Variants in FOXP1 observed in about 807,000 individuals in gnomAD.
FOXP1 encodes forkhead box P1.
FOXP1 carries 15 observed loss-of-function variants against 98.2 expected under a neutral mutation model. That is an observed-to-expected ratio of 0.15 (90% CI 0.10 to 0.24). The LOEUF (loss-of-function observed/expected upper bound fraction) is 0.24. Ranked by LOEUF, FOXP1 falls within the 10% of genes least tolerant of loss-of-function variation. The probability of loss-of-function intolerance (pLI) is 1.00; values close to 1 mark genes in which losing one functional copy is unlikely to be tolerated. For missense variants in FOXP1, 633 were observed against 848.5 expected (o/e 0.75, Z 3.15); for synonymous variants, 371 against 314.5 (o/e 1.18, Z -1.90).
intron 9 of FOXP1, among the ~76,000 whole-genome samples, chr3:71,049,787 G>A (rs538761987): frequency 2.0e-5 from 3 of 152,140 alleles, no homozygotes; most frequent in South Asian, 4.1e-4. Context: ...AAATGCTACC[G>A]TGTGACTCCA....
At chr3:71,558,774 A>G (rs2107716245) in intron 2 of FOXP1, among the ~76,000 whole-genome samples, 1 of 145,630 alleles carries the variant, frequency 6.9e-6, no homozygotes, top group African/African-American at 2.6e-5. Context: ...AATCATAGGC[A>G]TGAGCCACCA....
chr3:71,369,373 G>C (rs780669083), intron 3 of FOXP1, among the ~76,000 whole-genome samples: 32 of 152,070 alleles, frequency 2.1e-4, no homozygotes, highest in Non-Finnish European at 4.3e-4. Flanking sequence ...CTGGGCAACA[G>C]AACGAGACTC....
chr3:71,293,013 G>C (rs1443635629), intron 5 of FOXP1, among the ~76,000 whole-genome samples: 1 of 152,158 alleles, frequency 6.6e-6, no homozygotes, highest in East Asian at 1.9e-4. Context: ...TAAGGATTCT[G>C]TCATCAGTAC....
chr3:71,358,020 T>G (rs577015981), intron 4 of FOXP1, among the ~76,000 whole-genome samples: 6 of 152,320 alleles, frequency 3.9e-5, no homozygotes, highest in Middle Eastern at 3.4e-3. Context: ...AGCTGTTTGT[T>G]TAAGTATGAC....
chr3:71,422,484 G>A (rs751443441), intron 3 of FOXP1, among the ~76,000 whole-genome samples: 37 of 152,200 alleles, frequency 2.4e-4, no homozygotes, highest in Non-Finnish European at 4.7e-4. Context: ...TTTGAGCAGT[G>A]AGGGCATGGG....
chr3:71,509,839 C>G (rs2042075025), intron 2 of FOXP1, among the ~76,000 whole-genome samples: 1 of 152,174 alleles, frequency 6.6e-6, no homozygotes, highest in Non-Finnish European at 1.5e-5. Flanking sequence ...TATGATTAGG[C>G]CACTGCACTC....
intron 3 of FOXP1, among the ~76,000 whole-genome samples, chr3:71,418,935 C>A (rs866313172): frequency 8.5e-3 from 919 of 108,078 alleles, no homozygotes; most frequent in East Asian, 0.01. Context: ...AGACCGGTCT[C>A]AAAAAAAAAA....
At chr3:70,977,117 T>C in intron 16 of FOXP1, 75 bp from the exon 17 acceptor site, 1 of 992,688 alleles carries the variant, frequency 1.0e-6, no homozygotes, top group Non-Finnish European at 1.6e-6. Flanking sequence ...TTCTCGAAAA[T>C]ATAAAATCAC....
chr3:71,554,315 T>C (rs2045970863), intron 2 of FOXP1, among the ~76,000 whole-genome samples: 1 of 152,164 alleles, frequency 6.6e-6, no homozygotes, highest in Non-Finnish European at 1.5e-5. Flanking sequence ...ATCATAACAC[T>C]ACATTCCAGC....
At chr3:71,096,361 A>G (rs183643213) in intron 7 of FOXP1, among the ~76,000 whole-genome samples, 1 of 152,304 alleles carries the variant, frequency 6.6e-6, no homozygotes, top group African/African-American at 2.4e-5. Context: ...CATTCAGAAG[A>G]TAAGAGTTCC....
At chr3:71,488,589 C>T (rs920191070) in intron 3 of FOXP1, among the ~76,000 whole-genome samples, 2 of 152,244 alleles carry the variant, frequency 1.3e-5, no homozygotes, top group African/African-American at 4.8e-5. Flanking sequence ...ACAATGGTTT[C>T]CACCTTGGCC....
intron 4 of FOXP1, among the ~76,000 whole-genome samples, chr3:71,338,373 A>G (rs1003143394): frequency 1.3e-5 from 2 of 152,230 alleles, no homozygotes; most frequent in Admixed American, 6.5e-5. Flanking sequence ...ACCTAAAGAA[A>G]AAGGATGGAG....
At chr3:71,357,253 G>A (rs937889856) in intron 4 of FOXP1, among the ~76,000 whole-genome samples, 15 of 152,128 alleles carry the variant, frequency 9.9e-5, no homozygotes, top group African/African-American at 3.4e-4. Flanking sequence ...TAGCATATTC[G>A]AGAGTTTAAA....
intron 6 of FOXP1, among the ~76,000 whole-genome samples, chr3:71,180,415 G>A (rs1361441921): frequency 6.6e-6 from 1 of 151,914 alleles, no homozygotes; most frequent in East Asian, 1.9e-4. Flanking sequence ...AGACATGAAA[G>A]TCTTTGCCAC....
intron 7 of FOXP1, among the ~76,000 whole-genome samples, chr3:71,096,479 T>A (rs548491399): frequency 6.6e-6 from 1 of 152,216 alleles, no homozygotes; most frequent in South Asian, 2.1e-4. Context: ...GACTAGTCAT[T>A]TATAGATAAG....
intron 13 of FOXP1, 131 bp from the exon 14 acceptor site, chr3:70,988,208 T>C (rs771754419): frequency 1.1e-6 from 1 of 904,272 alleles, no homozygotes; most frequent in East Asian, 2.5e-5. Flanking sequence ...TTGCTTGTTT[T>C]TGAAATCTAC....
At chr3:71,210,437 T>C (rs1423747410) in intron 5 of FOXP1, among the ~76,000 whole-genome samples, 2 of 152,310 alleles carry the variant, frequency 1.3e-5, no homozygotes, top group South Asian at 4.1e-4. Context: ...AAATTTCCAC[T>C]GAGCATTCAG....
At chr3:71,291,595 T>G (rs1310056428) in intron 5 of FOXP1, among the ~76,000 whole-genome samples, 2 of 152,176 alleles carry the variant, frequency 1.3e-5, no homozygotes, top group Admixed American at 6.5e-5. Flanking sequence ...AGAACTACTT[T>G]ACATTGCAAA....
At chr3:71,256,313 G>A (rs992053276) in intron 5 of FOXP1, among the ~76,000 whole-genome samples, 12 of 152,082 alleles carry the variant, frequency 7.9e-5, no homozygotes, top group Non-Finnish European at 1.5e-4. Flanking sequence ...AGAGCTCAGG[G>A]ACAGCAGGGG....
Sources: gnomAD v4.1 joint callset for allele counts (sites outside exome capture counted in the v4.1 genomes callset) on GRCh38, gnomAD v4.1.1 for gene constraint, MANE v1.5 for transcripts, NCBI Gene and HGNC (gene_info 2026-07-23, HGNC 2026-07-21) for gene names.